The following FRMD4B variants were observed in gnomAD, a reference collection of about 807,000 sequenced individuals.
FRMD4B encodes the protein FERM domain containing 4B, also known as FERM domain-containing protein 4B.
Under a neutral mutation model 141.5 loss-of-function variants are expected in FRMD4B, and 74 were observed. That is an observed-to-expected ratio of 0.52 (90% CI 0.43 to 0.63). The LOEUF is 0.63. FRMD4B is among the 30% of genes least tolerant of loss of function. The probability of loss-of-function intolerance (pLI) is 0.00; values close to 1 mark genes in which losing one functional copy is unlikely to be tolerated. For missense variants in FRMD4B, 1,366 were observed against 1,253.4 expected (o/e 1.09, Z -1.36); for synonymous variants, 506 against 467.9 (o/e 1.08, Z -1.05).
intron 12 of FRMD4B, chr3:69,198,470 A>G (rs2092930954): frequency 3.8e-6 from 2 of 527,526 alleles, no homozygotes; most frequent in African/African-American, 3.8e-5. Context: ...CATTGGAACC[A>G]CATATACTGC....
At chr3:69,356,519 A>C (rs550160993) in intron 1 of FRMD4B, among the ~76,000 whole-genome samples, 1 of 151,850 alleles carries the variant, frequency 6.6e-6, no homozygotes, top group South Asian at 2.1e-4. Flanking sequence ...CAGACGGCCT[A>C]TTGTGGGACC....
chr3:69,181,827 G>A (rs542407367), intron 20 of FRMD4B, 117 bp from the exon 21 acceptor site: 10 of 649,844 alleles, frequency 1.5e-5, no homozygotes, highest in African/African-American at 1.5e-4. Context: ...AGGACTTTGA[G>A]TTGCCAAAGC....
intron 5 of FRMD4B, among the ~76,000 whole-genome samples, chr3:69,275,436 CTCTCTCT>C (rs1278725327): frequency 2.8e-5 from 1 of 35,178 alleles, no homozygotes; most frequent in Non-Finnish European, 8.4e-5. Flanking sequence ...TTCTCTCTCT[CTCTCTCT>C]TTTTTTTTTT....
chr3:69,507,855 T>A (rs1003458445), intron 1 of FRMD4B, among the ~76,000 whole-genome samples: 1 of 152,302 alleles, frequency 6.6e-6, no homozygotes, highest in Admixed American at 6.5e-5. Flanking sequence ...AAAATAGGTT[T>A]TTTTTTCAGA....
chr3:69,264,778 A>C (rs1338915831), intron 5 of FRMD4B, among the ~76,000 whole-genome samples: 1 of 152,198 alleles, frequency 6.6e-6, no homozygotes, highest in Admixed American at 6.5e-5. Flanking sequence ...ATTACAAAAA[A>C]ACAAACAAAT....
At chr3:69,529,746 C>T (rs1212729679) in intron 1 of FRMD4B, among the ~76,000 whole-genome samples, 1 of 152,230 alleles carries the variant, frequency 6.6e-6, no homozygotes, top group African/African-American at 2.4e-5. Context: ...CTTCTAAGTA[C>T]TTTACAAATA....
At chr3:69,310,607 GAGAGAA>G in intron 3 of FRMD4B, 1 of 298,046 alleles carries the variant, frequency 3.4e-6, no homozygotes. Context: ...GAGAGAGAGA[GAGAGAA>G]AAGAGCTAGT....
At chr3:69,438,654 A>G (rs1445121419) in intron 1 of FRMD4B, among the ~76,000 whole-genome samples, 2 of 152,114 alleles carry the variant, frequency 1.3e-5, no homozygotes, top group Non-Finnish European at 2.9e-5. Flanking sequence ...TAGATAAATG[A>G]AGCAAAAAAG....
At chr3:69,433,517 C>T (rs1033974312) in intron 1 of FRMD4B, among the ~76,000 whole-genome samples, 32 of 152,154 alleles carry the variant, frequency 2.1e-4, no homozygotes, top group African/African-American at 7.7e-4. Context: ...CTTGGCACCT[C>T]CCCACACCAC....
chr3:69,289,663 C>T (rs897077635), intron 4 of FRMD4B, among the ~76,000 whole-genome samples: 3 of 151,952 alleles, frequency 2.0e-5, no homozygotes, highest in Admixed American at 6.6e-5. Flanking sequence ...GGCGTGGTGG[C>T]GGGCGGGCAC....
chr3:69,532,773 T>C (rs902511645), intron 1 of FRMD4B, among the ~76,000 whole-genome samples: 2 of 152,234 alleles, frequency 1.3e-5, no homozygotes, highest in Admixed American at 1.3e-4. Context: ...ATTGATGGGA[T>C]GGGCTCAGTC....
chr3:69,440,962 T>C (rs1418615850), intron 1 of FRMD4B, among the ~76,000 whole-genome samples: 1 of 152,254 alleles, frequency 6.6e-6, no homozygotes, highest in African/African-American at 2.4e-5. Flanking sequence ...TCTTTAGCTC[T>C]TTTAAAAATA....
chr3:69,430,139 AC>A (rs1194992335), intron 2 of FRMD4B, among the ~76,000 whole-genome samples: 1 of 151,568 alleles, frequency 6.6e-6, no homozygotes, highest in African/African-American at 2.4e-5. Context: ...TCTGCTTGGT[AC>A]TATAATCAGG....
At chr3:69,216,221 T>C in intron 11 of FRMD4B, 42 bp downstream of exon 11, 1 of 1,033,676 alleles carries the variant, frequency 9.7e-7, no homozygotes, top group South Asian at 1.4e-5. Flanking sequence ...GATTAACATG[T>C]TTTGAACAGT....
At chr3:69,287,871 T>A in intron 4 of FRMD4B, 35 bp from the exon 5 acceptor site, 1 of 1,013,468 alleles carries the variant, frequency 9.9e-7, no homozygotes, top group Non-Finnish European at 1.5e-6. Flanking sequence ...TCCTTCAGAT[T>A]TATTTTCACC....
intron 1 of FRMD4B, among the ~76,000 whole-genome samples, chr3:69,339,924 T>C (rs1017004379): frequency 6.6e-6 from 1 of 152,058 alleles, no homozygotes; most frequent in Admixed American, 6.6e-5. Flanking sequence ...TTGAACCTAA[T>C]TCAATCAGAA....
chr3:69,376,621 C>T (rs1299281733), intron 1 of FRMD4B, among the ~76,000 whole-genome samples: 3 of 151,896 alleles, frequency 2.0e-5, no homozygotes, highest in Admixed American at 6.6e-5. Flanking sequence ...TTTAATTTAC[C>T]ATATTTGCTA....
intron 2 of FRMD4B, among the ~76,000 whole-genome samples, chr3:69,405,740 A>T (rs1704640003): frequency 6.6e-6 from 1 of 152,166 alleles, no homozygotes; most frequent in Admixed American, 6.6e-5. Flanking sequence ...CATGTTTCCC[A>T]GTCCTACCCT....
At chr3:69,494,021 T>C (rs1014487178) in intron 1 of FRMD4B, among the ~76,000 whole-genome samples, 1 of 152,144 alleles carries the variant, frequency 6.6e-6, no homozygotes, top group African/African-American at 2.4e-5. Flanking sequence ...GGACTACAGG[T>C]GTAAGCCACT....
Sources: allele counts gnomAD v4.1 joint callset (sites outside exome capture counted in the v4.1 genomes callset), GRCh38; gene constraint gnomAD v4.1.1; transcripts MANE v1.5; gene names NCBI Gene and HGNC (gene_info 2026-07-23, HGNC 2026-07-21).